The following DSE variants were observed in gnomAD, a reference collection of about 807,000 sequenced individuals.
DSE encodes dermatan sulfate epimerase.
Under a neutral mutation model 84.4 loss-of-function variants are expected in DSE, and 36 were observed. The ratio of observed to expected loss-of-function variants is 0.43; its 90% CI spans 0.33 to 0.56. The LOEUF (loss-of-function observed/expected upper bound fraction) is 0.56, where lower values mean the gene tolerates loss of function less well. Ranked by LOEUF, DSE falls within the 20% of genes least tolerant of loss-of-function variation. The probability of loss-of-function intolerance (pLI) is 0.06; values close to 1 mark genes in which losing one functional copy is unlikely to be tolerated. For synonymous variants in DSE, 410 were observed against 430.1 expected (o/e 0.95, Z 0.58); for missense variants, 862 against 1,169.6 (o/e 0.74, Z 3.84).
At chr6:116,308,801 C>G (rs958466858) in intron 2 of DSE, among the ~76,000 whole-genome samples, 1 of 152,092 alleles carries the variant, frequency 6.6e-6, no homozygotes, top group African/African-American at 2.4e-5. Context: ...CCTCAGCCTC[C>G]CAAGTAGCTG....
chr6:116,391,460 A>AT (rs923408315), intron 1 of DSE, among the ~76,000 whole-genome samples: 1 of 152,070 alleles, frequency 6.6e-6, no homozygotes, highest in Non-Finnish European at 1.5e-5. Flanking sequence ...AGTATTCTTG[A>AT]TTTTGATTAA....
chr6:116,323,826 G>A (rs1283934992), intron 2 of DSE, among the ~76,000 whole-genome samples: 3 of 152,144 alleles, frequency 2.0e-5, no homozygotes, highest in Non-Finnish European at 4.4e-5. Context: ...CAGGTCATTA[G>A]CCTGATCATG....
At chr6:116,271,414 T>A (rs531162347) in intron 2 of DSE, among the ~76,000 whole-genome samples, 1 of 152,298 alleles carries the variant, frequency 6.6e-6, no homozygotes, top group South Asian at 2.1e-4. Flanking sequence ...AAGGAGCAGT[T>A]GGAGCTGAAG....
intron 1 of DSE, among the ~76,000 whole-genome samples, chr6:116,378,239 ATTT>A (rs1780038387): frequency 6.6e-6 from 1 of 152,184 alleles, no homozygotes. Context: ...TTTAGGATGG[ATTT>A]CTGAAAAAGG....
intron 1 of DSE, among the ~76,000 whole-genome samples, chr6:116,371,732 C>G (rs1018643941): frequency 2.0e-5 from 3 of 152,208 alleles, no homozygotes; most frequent in Non-Finnish European, 4.4e-5. Flanking sequence ...ACCTCATCCC[C>G]GAGGCAGTCC....
At chr6:116,306,648 G>A (rs1775363249) in intron 2 of DSE, among the ~76,000 whole-genome samples, 2 of 152,144 alleles carry the variant, frequency 1.3e-5, no homozygotes, top group Non-Finnish European at 2.9e-5. Context: ...ACAGCACTAG[G>A]CAGATACAAC....
chr6:116,286,110 G>A (rs912971563), intron 2 of DSE, among the ~76,000 whole-genome samples: 5 of 152,150 alleles, frequency 3.3e-5, no homozygotes, highest in Non-Finnish European at 4.4e-5. Context: ...ATTACCTTGG[G>A]CAGTATGGCC....
chr6:116,364,904 G>A (rs1272587679), intron 2 of DSE, among the ~76,000 whole-genome samples: 1 of 148,292 alleles, frequency 6.7e-6, no homozygotes, highest in Non-Finnish European at 1.5e-5. Context: ...TGTGATCTCG[G>A]CTCACTGCAA....
Position 116,436,099 on chromosome 6 carries a change from C to T in DSE, c.1631C>T (p.Ala544Val). 1.2e-6 allele frequency: 2 copies of T among 1,613,072 alleles called. No homozygotes were observed. Among genetic ancestry groups the T allele is most frequent in the Non-Finnish European group, 8.5e-7 (1 of 1,180,016 alleles). ...VVFIRGEGVGAYNPQLNLKNV... is the reference protein window; with the variant it reads ...VVFIRGEGVGVYNPQLNLKNV... ...TTCATCCGAGGAGAAGGTGTGGGAG[C>T]TTATAACCCCCAGCTCAACCTGAAG... Residue 544 changes from alanine (A) to valine (V), a missense_variant, in exon 6 of 6, where the codon GCT (alanine) becomes GTT (valine). Ala to Val is a moderately conservative substitution (Grantham distance 64, BLOSUM62 0). Transcript: ENST00000644252.
chr6:116,278,410 A>T lies in DSE; in HGVS notation c.-54+19443A>T, dbSNP rs1274366334. On this transcript the variant is annotated intron_variant, in intron 2 of 3. Transcript: ENST00000430252. ...AAAGGAAACAGGGTGCAGAAAAGTC[A>T]GCAAAAACAAAGCACAATAGAAGGC... 2.7e-6 allele frequency: 4 copies of T among 1,487,272 alleles called. No homozygotes were observed. The African/African-American group carries it at 5.6e-5, about 21-fold the overall frequency. 92.1% of individuals were successfully genotyped at this position (1,487,272 alleles called of 1,614,324 possible).
In DSE at chr6:116,435,888, G is replaced by A. The variant is rs1245898059; in HGVS notation, c.1420G>A (p.Gly474Arg). ...GCCTTTCATTACTGAGGCTCTGTAC[G>A]GGCCAAAGTACACCTTCTTCAACAA... ...GVPFITEALY[G>R]PKYTFFNNVL... Residue 474 changes from glycine to arginine, a missense_variant, in exon 6 of 6, where the codon GGG becomes AGG. By Grantham distance (125) the Gly-to-Arg change is moderately radical. This residue lies in a region of DSE where 186 missense variants were observed against 255.1 expected (regional missense o/e 0.73). Transcript: ENST00000644252. 1.2e-6 allele frequency: 2 copies of A among 1,614,026 alleles called. No homozygotes were observed. The highest frequency in any genetic ancestry group is 2.2e-5 in the East Asian group (1 of 44,890).
rs1405584338 is a variant in DSE at position 116,435,929 on chromosome 6, C to A, written c.1461C>A (p.Ser487=). 6.2e-7 allele frequency: 1 copy of A among 1,614,060 alleles called. No homozygotes were observed. Among genetic ancestry groups the A allele is most frequent in the South Asian group, 1.1e-5 (1 of 91,074 alleles). The change falls in exon 6 of 6, where the codon TCC becomes TCA. Residue 487 remains serine, a synonymous_variant. Transcript: ENST00000644252. ...TCTTCAACAATGTTTTGATGTTTTC[C>A]CCAGCTGTGTCAAAGAGCTGCTTTT... ...YTFFNNVLMF[S]PAVSKSCFSP... is the part of the protein sequence containing the mutation.
At chr6:116,435,489 C>G in intron 5 of DSE, 98 bp from the exon 6 acceptor site, 2 of 1,248,476 alleles carry the variant, frequency 1.6e-6, no homozygotes, top group Non-Finnish European at 2.2e-6. Flanking sequence ...TGCCAGTGCT[C>G]TGGGTAGCAT....
chr6:116,312,638 T>C (rs1391056085), intron 2 of DSE, among the ~76,000 whole-genome samples: 1 of 152,174 alleles, frequency 6.6e-6, no homozygotes, highest in Non-Finnish European at 1.5e-5. Flanking sequence ...AGTCTGTAAA[T>C]CCTTAGGGCC....
intron 2 of DSE, among the ~76,000 whole-genome samples, chr6:116,357,487 G>A (rs78701796): frequency 2.0e-5 from 3 of 151,080 alleles, no homozygotes; most frequent in African/African-American, 4.9e-5. Flanking sequence ...AGCCGACACC[G>A]CGCCACTGCA....
chr6:116,430,345 T>G (rs1013283601), intron 3 of DSE, among the ~76,000 whole-genome samples: 5 of 152,268 alleles, frequency 3.3e-5, no homozygotes, highest in African/African-American at 1.2e-4. Flanking sequence ...ATGATGCAAG[T>G]TTCACAAAGA....
chr6:116,383,825 C>T (rs1049730721), intron 1 of DSE, among the ~76,000 whole-genome samples: 83 of 152,280 alleles, frequency 5.5e-4, no homozygotes, highest in African/African-American at 1.8e-3. Context: ...TTCTCTTGTT[C>T]TACATAATAT....
intron 2 of DSE, among the ~76,000 whole-genome samples, chr6:116,406,646 C>T (rs1781948831): frequency 6.6e-6 from 1 of 152,142 alleles, no homozygotes. Flanking sequence ...TTCATGGAGT[C>T]CTTTATAAAG....
At chr6:116,425,619 ATT>A (rs1562303888) in intron 2 of DSE, among the ~76,000 whole-genome samples, 4 of 48,422 alleles carry the variant, frequency 8.3e-5, no homozygotes, top group Non-Finnish European at 2.0e-4. Flanking sequence ...ATTTATTTTT[ATT>A]TTATTTTATT....
Sources: allele counts gnomAD v4.1 joint callset (sites outside exome capture counted in the v4.1 genomes callset), GRCh38; gene constraint gnomAD v4.1.1; regional missense constraint gnomAD v4.1.1; transcripts MANE v1.5; gene names NCBI Gene and HGNC (gene_info 2026-07-23, HGNC 2026-07-21).